ESR2: variants seen among roughly 807,000 people sequenced by gnomAD.
The protein encoded by ESR2 is estrogen receptor 2, also known as estrogen receptor beta.
A neutral mutation model predicts 49.6 loss-of-function variants in ESR2; 36 were observed. That is an observed-to-expected ratio of 0.73 (90% CI 0.56 to 0.96). ESR2 has a LOEUF of 0.96. ESR2 is among the 40% of genes least tolerant of loss of function. The pLI is 0.00. For synonymous variants in ESR2, 320 were observed against 266.1 expected (o/e 1.20, Z -1.97); for missense variants, 714 against 693.0 (o/e 1.03, Z -0.34).
At chr14:64,332,667 G>C (rs12323665) in intron 1 of ESR2, among the ~76,000 whole-genome samples, 54,119 of 150,680 alleles carry the variant, frequency 0.36, 10,398 homozygotes, top group African/African-American at 0.49. Context: ...AGGTGTGCTG[G>C]TGGGCACCTG....
intron 6 of ESR2, among the ~76,000 whole-genome samples, chr14:64,252,532 A>G (rs1476655171): frequency 6.6e-6 from 1 of 152,164 alleles, no homozygotes; most frequent in Non-Finnish European, 1.5e-5. Context: ...ATGAAGAAAA[A>G]AGGTTTAACT....
chr14:64,283,124 A>G, intron 1 of ESR2, 49 bp from the exon 2 acceptor site: 2 of 743,550 alleles, frequency 2.7e-6, no homozygotes, highest in East Asian at 5.4e-5. Context: ...ACAGCTGTTA[A>G]CTATGAAAAT....
At chr14:64,305,306 A>ATT (rs1555594125) in intron 1 of ESR2, among the ~76,000 whole-genome samples, 3 of 151,402 alleles carry the variant, frequency 2.0e-5, no homozygotes, top group African/African-American at 7.3e-5. Context: ...AAAAAAAAAA[A>ATT]AATTAATTAA....
chr14:64,251,259 G>C (rs2075981917), intron 6 of ESR2, among the ~76,000 whole-genome samples: 1 of 151,630 alleles, frequency 6.6e-6, no homozygotes, highest in African/African-American at 2.4e-5. Flanking sequence ...GTTGGACTTG[G>C]GGACATTTGA....
chr14:64,329,767 G>T (rs2077432996), intron 1 of ESR2: 1 of 152,132 alleles, frequency 6.6e-6, no homozygotes. Flanking sequence ...TTATTCTAAG[G>T]CTAATTTAAA....
intron 6 of ESR2, among the ~76,000 whole-genome samples, chr14:64,252,305 G>A (rs61984404): frequency 7.3e-5 from 2 of 27,252 alleles, no homozygotes; most frequent in Admixed American, 2.8e-4. Flanking sequence ...GAGCGGGACC[G>A]TCTCTAAAAA....
intron 1 of ESR2, among the ~76,000 whole-genome samples, chr14:64,326,792 C>T (rs147342806): frequency 5.3e-5 from 8 of 152,316 alleles, no homozygotes; most frequent in African/African-American, 1.7e-4. Context: ...TTCTCACAGC[C>T]CTATTACCCC....
chr14:64,236,406 A>C (rs145399679), intron 7 of ESR2, among the ~76,000 whole-genome samples: 78 of 151,878 alleles, frequency 5.1e-4, no homozygotes, highest in African/African-American at 1.8e-3. Context: ...TTGCCCTCCC[A>C]CCGCAGGGGA....
At chr14:64,242,201 G>A (rs2140647594) in intron 7 of ESR2, among the ~76,000 whole-genome samples, 1 of 152,174 alleles carries the variant, frequency 6.6e-6, no homozygotes, top group Admixed American at 6.5e-5. Context: ...CCTGAGGTCA[G>A]CAGTTTGAGA....
intron 2 of ESR2, among the ~76,000 whole-genome samples, chr14:64,280,406 A>C (rs925509485): frequency 1.3e-5 from 2 of 152,180 alleles, no homozygotes; most frequent in Non-Finnish European, 2.9e-5. Context: ...CGTGATGCTG[A>C]TGAGCATTTG....
intron 1 of ESR2, chr14:64,303,438 T>G (rs1035666363): frequency 2.0e-5 from 3 of 151,004 alleles, no homozygotes; most frequent in African/African-American, 7.4e-5. Flanking sequence ...TCAGGGTCAG[T>G]AGTTTGTCTG....
chr14:64,227,982 C>A (rs2098723381), downstream of ESR2: 1 of 1,573,098 alleles, frequency 6.4e-7, no homozygotes, highest in Non-Finnish European at 8.6e-7. Flanking sequence ...AAAATCTATC[C>A]AAATAATCGA....
At chr14:64,336,558 CTCT>C (rs1403232253) in intron 1 of ESR2, 2 of 152,134 alleles carry the variant, frequency 1.3e-5, no homozygotes, top group African/African-American at 2.4e-5. Context: ...ACACACTGGA[CTCT>C]TCTTTTCAAT....
intron 1 of ESR2, among the ~76,000 whole-genome samples, chr14:64,299,942 A>G (rs960880967): frequency 3.9e-5 from 6 of 152,024 alleles, no homozygotes; most frequent in Non-Finnish European, 7.4e-5. Flanking sequence ...ATTCTCACAT[A>G]TTATTTTTCT....
rs1416638880 is a variant in ESR2, at chr14:64,230,995, TC to T, written c.*2141del. 2.0e-5 allele frequency: 3 copies of T among 147,496 alleles called. No individual in the cohort carries two copies. Among genetic ancestry groups the T allele is most frequent in the Non-Finnish European group, 3.0e-5 (2 of 67,506 alleles). The allele number at this position is 147,496 out of a possible 1,614,324, so 9.1% of individuals were successfully genotyped here. A position where few individuals can be genotyped will look rare whatever the true frequency, so the allele number is the denominator to read the frequency against. ...TGATCTCCCCAGGCTCAGGTGATCC[TC>T]CCACCTCAGCCTCCCAGGTAGCTGG... On this transcript the variant is annotated 3_prime_UTR_variant, in exon 9 of 9. Coordinates refer to ENST00000341099, the MANE Select transcript of ESR2 (RefSeq NM_001437.3).
At chr14:64,311,850 T>TA (rs2077192139) in intron 1 of ESR2, among the ~76,000 whole-genome samples, 1 of 151,764 alleles carries the variant, frequency 6.6e-6, no homozygotes, top group Non-Finnish European at 1.5e-5. Flanking sequence ...ACTTACTAAA[T>TA]AATGAAGTTC....
At chr14:64,311,776 G>A (rs924112820) in intron 1 of ESR2, among the ~76,000 whole-genome samples, 1 of 151,800 alleles carries the variant, frequency 6.6e-6, no homozygotes, top group African/African-American at 2.4e-5. Flanking sequence ...TCACACTACT[G>A]CACTCCAGCC....
intron 1 of ESR2, among the ~76,000 whole-genome samples, chr14:64,287,570 G>A (rs2076803054): frequency 6.6e-6 from 1 of 152,172 alleles, no homozygotes; most frequent in Non-Finnish European, 1.5e-5. Context: ...GTGGCATCTT[G>A]AATAGTTAGG....
intron 4 of ESR2, among the ~76,000 whole-genome samples, chr14:64,266,075 A>G (rs918145841): frequency 6.6e-6 from 1 of 152,202 alleles, no homozygotes; most frequent in African/African-American, 2.4e-5. Flanking sequence ...TCCAAAGAGA[A>G]TACAGTCTTT....
Sources: gnomAD v4.1 joint callset for allele counts (sites outside exome capture counted in the v4.1 genomes callset) on GRCh38, gnomAD v4.1.1 for gene constraint, MANE v1.5 for transcripts, NCBI Gene and HGNC (gene_info 2026-07-23, HGNC 2026-07-21) for gene names.